SAMD12: variants seen among roughly 807,000 people sequenced by gnomAD.
SAMD12 encodes the protein sterile alpha motif domain containing 12.
In SAMD12, 9 loss-of-function variants were observed where a neutral mutation model predicts 15.0. The observed-to-expected ratio is 0.60, with a 90% CI of 0.36 to 1.05. SAMD12 has a LOEUF of 1.05. Among genes scored for constraint, SAMD12 ranks in the 50% least tolerant of loss-of-function variants. SAMD12 has a pLI of 0.01. For missense variants in SAMD12, 230 were observed against 234.2 expected (o/e 0.98, Z 0.12); for synonymous variants, 86 against 90.1 (o/e 0.96, Z 0.25).
the SAMD12 span, among the ~76,000 whole-genome samples, chr8:118,141,639 T>G: frequency 6.6e-6 from 1 of 152,254 alleles, no homozygotes; most frequent in African/African-American, 2.4e-5. Flanking sequence ...GTAGGCCAAA[T>G]AACTCTGGTG....
intron 2 of SAMD12, among the ~76,000 whole-genome samples, 153 bp from the exon 3 acceptor site, chr8:118,440,114 T>G (rs1214400405): frequency 6.6e-6 from 1 of 152,148 alleles, no homozygotes; most frequent in Non-Finnish European, 1.5e-5. Flanking sequence ...GTAGACCTTC[T>G]CAATACTGCT....
intron 4 of SAMD12, among the ~76,000 whole-genome samples, chr8:118,240,427 A>G (rs1812538540): frequency 6.6e-6 from 1 of 152,178 alleles, no homozygotes; most frequent in Non-Finnish European, 1.5e-5. Flanking sequence ...ACAGAAATTC[A>G]TTTTTGGAGT....
chr8:118,361,215 A>C (rs1027051721), intron 4 of SAMD12, among the ~76,000 whole-genome samples: 4 of 152,204 alleles, frequency 2.6e-5, no homozygotes, highest in Non-Finnish European at 5.9e-5. Context: ...TAATAACTTA[A>C]TAATTATCAG....
At chr8:118,221,423 G>C (rs1390044532) in intron 4 of SAMD12, among the ~76,000 whole-genome samples, 1 of 152,122 alleles carries the variant, frequency 6.6e-6, no homozygotes, top group Non-Finnish European at 1.5e-5. Context: ...ATTGCTAGAG[G>C]GACTGCATTT....
intron 3 of SAMD12, among the ~76,000 whole-genome samples, chr8:118,435,980 C>T (rs1202862928): frequency 6.6e-6 from 1 of 152,184 alleles, no homozygotes; most frequent in Admixed American, 6.5e-5. Context: ...AACTGAACCT[C>T]TGTGGAACAG....
At chr8:118,303,319 C>A (rs1393839518) in intron 4 of SAMD12, among the ~76,000 whole-genome samples, 5 of 152,116 alleles carry the variant, frequency 3.3e-5, no homozygotes, top group Non-Finnish European at 7.4e-5. Flanking sequence ...ATGCATCCTG[C>A]CAAAGTCATA....
At chr8:118,167,909 C>T in the SAMD12 span, among the ~76,000 whole-genome samples, 4 of 152,110 alleles carry the variant, frequency 2.6e-5, no homozygotes, top group Admixed American at 1.3e-4. Context: ...TCCAACTGAA[C>T]ATAACAATGT....
At chr8:118,546,877 C>A (rs751988749) in intron 2 of SAMD12, among the ~76,000 whole-genome samples, 33 of 152,178 alleles carry the variant, frequency 2.2e-4, no homozygotes, top group Non-Finnish European at 4.1e-4. Flanking sequence ...GTTTGCTTTA[C>A]AGTAGGCTCC....
rs1828123365 is a variant in SAMD12 at position 118,611,966 on chromosome 8, T to C, written c.13+9838A>G. 3.3e-5 allele frequency among the ~76,000 whole-genome samples: 5 copies of C among 152,046 alleles called. No homozygotes were observed. In the South Asian group the frequency reaches 1.0e-3, roughly 32 times the overall value. On this transcript the variant is annotated intron_variant, in intron 1 of 3. Coordinates refer to ENST00000314727, the MANE Select transcript of SAMD12 (RefSeq NM_207506.3). ...GCAAGTGAACCAAGCACTACTCCCA[T>C]TGTATAAATGGACATCCAACGCAAG...
intron 2 of SAMD12, among the ~76,000 whole-genome samples, chr8:118,530,068 C>A (rs4876852): frequency 0.21 from 31,689 of 152,138 alleles, 3,480 homozygotes; most frequent in South Asian, 0.41. Context: ...AACAGCCATT[C>A]TGATGGGTGT....
At chr8:118,446,717 A>G (rs1227002594) in intron 2 of SAMD12, among the ~76,000 whole-genome samples, 1 of 152,136 alleles carries the variant, frequency 6.6e-6, no homozygotes, top group Non-Finnish European at 1.5e-5. Context: ...CTGATTCTTG[A>G]GTTTTGCCTT....
intron 2 of SAMD12, among the ~76,000 whole-genome samples, chr8:118,573,425 T>C (rs1226562909): frequency 6.6e-6 from 1 of 152,180 alleles, no homozygotes. Flanking sequence ...TCTTGGGTAT[T>C]TTCTTATAGC....
intron 4 of SAMD12, among the ~76,000 whole-genome samples, chr8:118,206,401 T>C (rs1819864049): frequency 6.6e-6 from 1 of 152,344 alleles, no homozygotes; most frequent in South Asian, 2.1e-4. Context: ...TATAATACAG[T>C]GCAGTGATCC....
At chr8:118,146,158 T>C in the SAMD12 span, among the ~76,000 whole-genome samples, 1 of 152,152 alleles carries the variant, frequency 6.6e-6, no homozygotes, top group Non-Finnish European at 1.5e-5. Context: ...TTTAAGAGGA[T>C]GCCTGGATTA....
At chr8:118,521,594 TATGGCTGAA>T (rs1825390061) in intron 2 of SAMD12, among the ~76,000 whole-genome samples, 1 of 152,198 alleles carries the variant, frequency 6.6e-6, no homozygotes, top group Non-Finnish European at 1.5e-5. Context: ...TATGCACATG[TATGGCTGAA>T]GTGACTGATG....
At chr8:118,544,716 T>C (rs1459505960) in intron 2 of SAMD12, among the ~76,000 whole-genome samples, 1 of 152,180 alleles carries the variant, frequency 6.6e-6, no homozygotes, top group South Asian at 2.1e-4. Context: ...TCAACCTTCA[T>C]TCCCTGCTAA....
At chr8:118,570,463 T>A (rs1302303361) in intron 2 of SAMD12, among the ~76,000 whole-genome samples, 2 of 152,198 alleles carry the variant, frequency 1.3e-5, no homozygotes, top group African/African-American at 4.8e-5. Context: ...ATGTTGTATT[T>A]GGTTTTCTGT....
At chr8:118,551,314 A>G (rs1356262107) in intron 2 of SAMD12, among the ~76,000 whole-genome samples, 1 of 152,216 alleles carries the variant, frequency 6.6e-6, no homozygotes, top group Non-Finnish European at 1.5e-5. Context: ...AACAGAAATT[A>G]TAACAAACTG....
At chr8:118,232,419 G>T (rs901570381) in intron 4 of SAMD12, among the ~76,000 whole-genome samples, 3 of 152,138 alleles carry the variant, frequency 2.0e-5, no homozygotes, top group African/African-American at 7.2e-5. Flanking sequence ...AGAACATGGG[G>T]TATTTGAGGA....
Sources: gnomAD v4.1 joint callset for allele counts (sites outside exome capture counted in the v4.1 genomes callset) on GRCh38, gnomAD v4.1.1 for gene constraint, MANE v1.5 for transcripts, NCBI Gene and HGNC (gene_info 2026-07-23, HGNC 2026-07-21) for gene names.